SLC4A8: variants seen among roughly 807,000 people sequenced by gnomAD.
SLC4A8 encodes the protein solute carrier family 4 member 8.
In SLC4A8, 40 loss-of-function variants were observed where a neutral mutation model predicts 125.0. That is an observed-to-expected ratio of 0.32 (90% CI 0.25 to 0.42). SLC4A8 has a LOEUF of 0.42. SLC4A8 is among the 10% of genes least tolerant of loss of function. The pLI is 1.00. For synonymous variants in SLC4A8, 456 were observed against 476.0 expected (o/e 0.96, Z 0.55); for missense variants, 863 against 1,355.1 (o/e 0.64, Z 5.70).
At chr12:51,434,007 T>G (rs752485156) in intron 1 of SLC4A8, among the ~76,000 whole-genome samples, 2 of 151,986 alleles carry the variant, frequency 1.3e-5, no homozygotes, top group Non-Finnish European at 2.9e-5. Flanking sequence ...CCAGAGTAGC[T>G]GGGACTACAA....
At chr12:51,438,060 T>C (rs1565775548) in intron 1 of SLC4A8, among the ~76,000 whole-genome samples, 3 of 152,246 alleles carry the variant, frequency 2.0e-5, no homozygotes, top group Admixed American at 1.3e-4. Context: ...TGCATGGTGA[T>C]GTTTCAATAC....
Position 51,400,880 on chromosome 12 carries a change from A to G in SLC4A8, c.-112+9392A>G, listed in dbSNP as rs565171645. On this transcript the variant is annotated intron_variant, in intron 1 of 24. Coordinates refer to the SLC4A8 transcript ENST00000358657. ...TATATAAACATATATATGTATATACATATATATATATTTTTAAACAGGGTC... is the reference window on the plus strand; with the variant it reads ...TATATAAACATATATATGTATATACGTATATATATATTTTTAAACAGGGTC... Among the ~76,000 whole-genome samples, 87 of 143,210 alleles carry G rather than the reference A, an allele frequency of 6.1e-4. 1 individual carries two copies. In the East Asian group the frequency reaches 0.011, roughly 18 times the overall value. 94.0% of individuals were successfully genotyped at this position (143,210 alleles called of 152,430 possible). A position where few individuals can be genotyped will look rare whatever the true frequency, so the allele number is the denominator to read the frequency against.
At chr12:51,463,065 A>G (rs544919910) in intron 10 of SLC4A8, among the ~76,000 whole-genome samples, 1 of 152,314 alleles carries the variant, frequency 6.6e-6, no homozygotes, top group African/African-American at 2.4e-5. Context: ...ATCAAATGAA[A>G]AAAGCAAGTT....
rs182859642 is a variant in SLC4A8, at chr12:51,406,715, C to T, written c.-112+15227C>T. 1.4e-3 allele frequency among the ~76,000 whole-genome samples: 208 copies of T among 152,328 alleles called. 2 individuals are homozygous for T. The highest frequency in any genetic ancestry group is 3.2e-4 in the Non-Finnish European group (22 of 68,026). On this transcript the variant is annotated intron_variant, in intron 1 of 24. Coordinates refer to the SLC4A8 transcript ENST00000358657. ...CCCTGTTAGTCCTCATAATTTAGTG[C>T]TCCAGGCCCCACGTGCAGCAATATC...
At chr12:51,413,455 A>G (rs1948629492) in intron 1 of SLC4A8, among the ~76,000 whole-genome samples, 1 of 152,090 alleles carries the variant, frequency 6.6e-6, no homozygotes, top group South Asian at 2.1e-4. Context: ...TTTGTTGCCT[A>G]TGCTTTTGAA....
intron 1 of SLC4A8, among the ~76,000 whole-genome samples, chr12:51,415,759 A>G (rs1365436427): frequency 6.7e-6 from 1 of 150,230 alleles, no homozygotes; most frequent in East Asian, 1.9e-4. Flanking sequence ...TGGGGACTCC[A>G]AAAGGGGAGA....
At chr12:51,504,455 A>C (rs1334702325) in intron 23 of SLC4A8, among the ~76,000 whole-genome samples, 1 of 152,230 alleles carries the variant, frequency 6.6e-6, no homozygotes, top group Non-Finnish European at 1.5e-5. Context: ...ACATTTGTAT[A>C]AGTGAAGAAA....
chr12:51,458,595 A>G lies in SLC4A8; in HGVS notation c.800A>G (p.Asn267Ser). The G allele has an allele frequency of 6.2e-7, 1 of 1,613,888 alleles. No homozygotes were observed. Reference protein sequence around the residue: ...TVSPQSVPTTNLEVKNGVNCE... With the variant: ...TVSPQSVPTTSLEVKNGVNCE... ...TCTCCTCAGTCTGTTCCAACTACAA[A>G]TCTTGAAGTAAAAAATGGAGTGAAT... Residue 267 changes from asparagine (N) to serine (S), a missense_variant, in exon 7 of 25, where the codon AAT becomes AGT. Asn to Ser is a conservative substitution (Grantham distance 46). This residue lies in a region of SLC4A8 where 390 missense variants were observed against 634.4 expected (regional missense o/e 0.61). Transcript: ENST00000453097.
At position 51,471,345 on chromosome 12, in the gene SLC4A8, C is replaced by T. The variant is rs761410678; in HGVS notation, c.1717C>T (p.Leu573=). The T allele has an allele frequency of 1.5e-5, 24 of 1,613,970 alleles. No individual in the cohort carries two copies. Among genetic ancestry groups the T allele is most frequent in the Admixed American group, 1.3e-4 (8 of 59,994 alleles). ...TTGTATTGGACTGTGGACCGCTTTC[C>T]TGTGTATTGTCCTTGTGGCAACTGA... ...RACIGLWTAF[L]CIVLVATDAS... The change falls in exon 14 of 25, where the codon CTG becomes TTG. Residue 573 remains leucine (L), a synonymous_variant. Coordinates refer to ENST00000453097, the MANE Select transcript of SLC4A8 (RefSeq NM_001039960.3).
At chr12:51,449,479 A>G (rs1390979442) in intron 2 of SLC4A8, among the ~76,000 whole-genome samples, 7 of 152,014 alleles carry the variant, frequency 4.6e-5, no homozygotes, top group African/African-American at 1.7e-4. Flanking sequence ...CTCAGCAGGA[A>G]GGAATGTGGA....
intron 21 of SLC4A8, among the ~76,000 whole-genome samples, chr12:51,496,542 T>G (rs1491001162): frequency 6.6e-6 from 1 of 152,150 alleles, no homozygotes; most frequent in Non-Finnish European, 1.5e-5. Flanking sequence ...AAGCAAGGAT[T>G]TGGGTAGGGG....
chr12:51,488,153 A>G (rs1274787639), intron 17 of SLC4A8, among the ~76,000 whole-genome samples: 2 of 152,252 alleles, frequency 1.3e-5, no homozygotes, highest in Non-Finnish European at 2.9e-5. Flanking sequence ...ACTATTACTG[A>G]GCAAAAGGGG....
chr12:51,484,633 C>T lies in SLC4A8; in HGVS notation c.2173-1154C>T, dbSNP rs149084111. Among the ~76,000 whole-genome samples the T allele has an allele frequency of 5.9e-5, 9 of 152,250 alleles. No individual in the cohort carries two copies. The East Asian group carries it at 7.7e-4, about 13-fold the overall frequency. On this transcript the variant is annotated intron_variant, in intron 16 of 24. Transcript: ENST00000453097. ...TCAGGCTAAGGTACCGGTGATATTA[C>T]GTGTGGCTAAGATATGTTTTGCTCT...
chr12:51,423,839 G>C (rs372895487), upstream of SLC4A8, among the ~76,000 whole-genome samples: 1 of 151,920 alleles, frequency 6.6e-6, no homozygotes, highest in East Asian at 1.9e-4. Flanking sequence ...TTCCAGACCA[G>C]CCTGGCCAAC....
chr12:51,471,155 A>C (rs1490813009), intron 13 of SLC4A8, 132 bp from the exon 14 acceptor site: 4 of 855,344 alleles, frequency 4.7e-6, no homozygotes, highest in Non-Finnish European at 7.4e-6. Flanking sequence ...TTTAGAAGGA[A>C]AATACAATCA....
chr12:51,467,158 G>A (rs549880639), intron 11 of SLC4A8, among the ~76,000 whole-genome samples: 3 of 152,270 alleles, frequency 2.0e-5, no homozygotes, highest in South Asian at 2.1e-4. Flanking sequence ...CAAGGTTATT[G>A]AGGGGCTATT....
At chr12:51,455,541 T>C (rs574686521) in intron 5 of SLC4A8, among the ~76,000 whole-genome samples, 1 of 152,324 alleles carries the variant, frequency 6.6e-6, no homozygotes, top group South Asian at 2.1e-4. Flanking sequence ...AGGGGAGATA[T>C]CTGATTGTTC....
At chr12:51,490,398 A>G (rs1281786436) in intron 19 of SLC4A8, among the ~76,000 whole-genome samples, 2 of 151,914 alleles carry the variant, frequency 1.3e-5, no homozygotes, top group African/African-American at 4.8e-5. Context: ...TACTAAAAAT[A>G]CAAAAACAAA....
intron 1 of SLC4A8, among the ~76,000 whole-genome samples, chr12:51,417,521 ATT>A (rs112780806): frequency 1.5e-5 from 2 of 135,102 alleles, no homozygotes; most frequent in African/African-American, 2.7e-5. Context: ...TAATTTTTGT[ATT>A]TTTTTTTTTT....
Sources: gnomAD v4.1 joint callset for allele counts (sites outside exome capture counted in the v4.1 genomes callset) on GRCh38, gnomAD v4.1.1 for gene constraint, gnomAD v4.1.1 regional missense constraint, MANE v1.5 for transcripts, NCBI Gene and HGNC (gene_info 2026-07-23, HGNC 2026-07-21) for gene names.